Variants in COQ7 observed in about 807,000 individuals in gnomAD.
COQ7 encodes the protein NADPH-dependent 3-demethoxyubiquinone 3-hydroxylase, mitochondrial.
A neutral mutation model predicts 25.0 loss-of-function variants in COQ7; 21 were observed. The observed-to-expected ratio is 0.84, with a 90% CI of 0.60 to 1.21. The LOEUF is 1.21. Among genes scored for constraint, COQ7 ranks in the 50% most tolerant of loss-of-function variants. The probability of loss-of-function intolerance (pLI) is 0.00; values close to 1 mark genes in which losing one functional copy is unlikely to be tolerated. For synonymous variants in COQ7, 125 were observed against 112.4 expected (o/e 1.11, Z -0.71); for missense variants, 311 against 296.2 (o/e 1.05, Z -0.37).
rs1381239252 is a variant in COQ7 at position 19,080,051 on chromosome 16, C to T, written c.*1893C>T. ...TTCAAAAGGGTATTATTTGGTTTTT[C>T]TGTAAATTGAACCTTGAAATAAAAG... On this transcript the variant is annotated 3_prime_UTR_variant, in exon 6 of 6. Transcript: ENST00000321998. 1.3e-5 allele frequency: 2 copies of T among 152,180 alleles called. No individual in the cohort carries two copies. The highest frequency in any genetic ancestry group is 4.8e-5 in the African/African-American group (2 of 41,452). 9.4% of individuals were successfully genotyped at this position (152,180 alleles called of 1,614,324 possible).
In COQ7 at chr16:19,067,697, C is replaced by T. The variant is rs1455209057; in HGVS notation, c.33C>T (p.Arg11=). The change falls in exon 1 of 6, where the codon CGC becomes CGT. Residue 11 remains arginine (R), a synonymous_variant. Coordinates refer to ENST00000321998, the MANE Select transcript of COQ7 (RefSeq NM_016138.5). Reference sequence around the variant, plus strand: ...GCGCCGGGGCGGCGGCGGCTCCCCGCCTTTGGCGGCTGCGCCCGGGGGCCC... The same window carrying T: ...GCGCCGGGGCGGCGGCGGCTCCCCGTCTTTGGCGGCTGCGCCCGGGGGCCC... MSCAGAAAAP[R]LWRLRPGARR... 6.2e-7 allele frequency: 1 copy of T among 1,609,046 alleles called. No homozygotes were observed. The highest frequency in any genetic ancestry group is 8.5e-7 in the Non-Finnish European group (1 of 1,178,308).
At position 19,075,855 on chromosome 16, in the gene COQ7, C is replaced by T. The variant is rs1962810914; in HGVS notation, c.502C>T (p.Leu168Phe). The T allele has an allele frequency of 1.9e-6, 3 of 1,614,202 alleles. No individual in the cohort carries two copies. The highest frequency in any genetic ancestry group is 2.2e-5 in the South Asian group (2 of 91,084). The change falls in exon 4 of 6, where the codon CTT (leucine) becomes TTT (phenylalanine). Residue 168 changes from leucine to phenylalanine, a missense_variant. Leu to Phe is a conservative substitution (Grantham distance 22). Transcript: ENST00000321998. The part of the protein sequence containing the change: ...EEDPEKYEEL[L>F]QLIKKFRDEE... ...GGACCCTGAAAAATACGAGGAACTT[C>T]TTCAGGTATTTATCCGTGCTCTAGA...
At chr16:19,068,742 A>C (rs1046230849) in intron 1 of COQ7, 6 of 284,738 alleles carry the variant, frequency 2.1e-5, no homozygotes, top group Non-Finnish European at 4.3e-5. Flanking sequence ...ATTTTTGCCT[A>C]ATGGCAGTAC....
chr16:19,082,987 G>T (rs1199899357), downstream of COQ7, among the ~76,000 whole-genome samples: 1 of 152,072 alleles, frequency 6.6e-6, no homozygotes, highest in African/African-American at 2.4e-5. Flanking sequence ...ACTGCTAATG[G>T]ATACAGAGTG....
At chr16:19,073,509 A>C (rs1419071312) in intron 2 of COQ7, among the ~76,000 whole-genome samples, 1 of 152,136 alleles carries the variant, frequency 6.6e-6, no homozygotes, top group African/African-American at 2.4e-5. Flanking sequence ...AACAAACCAC[A>C]ACAACAACAA....
chr16:19,072,702 G>T (rs1349500810), intron 2 of COQ7, among the ~76,000 whole-genome samples: 1 of 152,204 alleles, frequency 6.6e-6, no homozygotes, highest in Non-Finnish European at 1.5e-5. Context: ...AAGCTACTTA[G>T]CCTCTCTGTG....
chr16:19,067,769 C>T (rs1400203560), intron 1 of COQ7, 32 bp downstream of exon 1: 3 of 1,587,894 alleles, frequency 1.9e-6, no homozygotes, highest in African/African-American at 1.4e-5. Context: ...CAGTCCTGCG[C>T]CGGTCTAGCG....
downstream of COQ7, among the ~76,000 whole-genome samples, chr16:19,082,824 A>AAAT (rs55960142): frequency 0.92 from 140,277 of 151,792 alleles, 65,221 homozygotes; most frequent in Non-Finnish European, 0.97. Flanking sequence ...CAATTTTAAA[A>AAAT]CATGCTAAGT....
rs757955937 is a variant in COQ7, at chr16:19,075,821, G to C, written c.468G>C (p.Leu156=). Residue 156 remains leucine, a synonymous_variant, in exon 4 of 6, where the codon CTG becomes CTC. Coordinates refer to ENST00000321998, the MANE Select transcript of COQ7 (RefSeq NM_016138.5). ...ACTACAACAACCAGATCAGGACGCT[G>C]ATGGAGGAGGACCCTGAAAAATACG... The part of the protein sequence containing the change: ...AHHYNNQIRT[L]MEEDPEKYEE... 6.2e-7 allele frequency: 1 copy of C among 1,614,236 alleles called. No individual in the cohort carries two copies. The highest frequency in any genetic ancestry group is 8.5e-7 in the Non-Finnish European group (1 of 1,180,024).
intron 4 of COQ7, among the ~76,000 whole-genome samples, chr16:19,076,841 C>G (rs898666949): frequency 2.0e-5 from 3 of 152,162 alleles, no homozygotes; most frequent in Admixed American, 1.3e-4. Flanking sequence ...ATCCTCCTGC[C>G]TTGGCCTCCT....
rs562587039 is a variant in COQ7 at position 19,078,887 on chromosome 16, T to G, written c.*729T>G. The G allele has an allele frequency of 2.5e-4, 38 of 152,274 alleles. No individual in the cohort carries two copies. Among genetic ancestry groups the G allele is most frequent in the African/African-American group, 8.9e-4 (37 of 41,560 alleles). 9.4% of individuals were successfully genotyped at this position (152,274 alleles called of 1,614,324 possible). A position where few individuals can be genotyped will look rare whatever the true frequency, so the allele number is the denominator to read the frequency against. On this transcript the variant is annotated 3_prime_UTR_variant, in exon 6 of 6. Transcript: ENST00000321998. ...ATTTGAGATTGGCCAAGCAGAACTATGAAGTCCATCAAGTAAGTCAAAGAT... is the reference window on the plus strand; with the variant it reads ...ATTTGAGATTGGCCAAGCAGAACTAGGAAGTCCATCAAGTAAGTCAAAGAT...
rs73528964 is a variant in COQ7 at position 19,070,411 on chromosome 16, G to A, written c.74-1517G>A. On this transcript the variant is annotated intron_variant, in intron 1 of 5. Coordinates refer to ENST00000321998, the MANE Select transcript of COQ7 (RefSeq NM_016138.5). ...TTTGCATAAAAGACATGGTAGTCAC[G>A]GCTAAGAGCCCTAAAACATTACAAA... 9.1e-3 allele frequency among the ~76,000 whole-genome samples: 1,388 copies of A among 152,248 alleles called. 11 individuals carry two copies. Among genetic ancestry groups the A allele is most frequent in the Middle Eastern group, 0.051 (15 of 294 alleles).
chr16:19,072,309 A>G (rs757456562), intron 2 of COQ7: 5 of 600,226 alleles, frequency 8.3e-6, no homozygotes, highest in South Asian at 2.0e-5. Context: ...CATCTAGTAC[A>G]TAGACAGGTA....
intron 1 of COQ7, among the ~76,000 whole-genome samples, chr16:19,069,964 G>A (rs1276825769): frequency 2.6e-5 from 4 of 151,562 alleles, no homozygotes; most frequent in African/African-American, 9.7e-5. Context: ...TTATATTTTT[G>A]GTAGAGATGG....
chr16:19,074,600 G>A (rs1201472713), intron 3 of COQ7, among the ~76,000 whole-genome samples: 1 of 152,090 alleles, frequency 6.6e-6, no homozygotes, highest in Non-Finnish European at 1.5e-5. Context: ...CTGGAGTACA[G>A]TGGTATAGTC....
In COQ7 at chr16:19,078,150, A is replaced by G. The variant is rs1383390091; in HGVS notation, c.646A>G (p.Arg216Gly). The change falls in exon 6 of 6, where the codon AGA becomes GGA. Residue 216 changes from arginine to glycine, a missense_variant. By Grantham distance (125) the Arg-to-Gly change is moderately radical. Coordinates refer to ENST00000321998, the MANE Select transcript of COQ7 (RefSeq NM_016138.5). ...GCRVAIYLSE[R>G]L Reference sequence around the variant, plus strand: ...CAGAGTGGCGATATATTTATCAGAAAGATTATAAAGTGTGTCCAGTTTTGC... The same window carrying G: ...CAGAGTGGCGATATATTTATCAGAAGGATTATAAAGTGTGTCCAGTTTTGC... 1.2e-6 allele frequency: 2 copies of G among 1,610,744 alleles called. No individual in the cohort carries two copies. The highest frequency in any genetic ancestry group is 1.1e-5 in the South Asian group (1 of 90,550).
At chr16:19,081,209 C>A (rs1963093158), downstream of COQ7, among the ~76,000 whole-genome samples, 1 of 152,114 alleles carries the variant, frequency 6.6e-6, no homozygotes, top group African/African-American at 2.4e-5. Flanking sequence ...TGTTCCTCTG[C>A]TGGTTTCTCT....
At chr16:19,070,772 A>T (rs1962514189) in intron 1 of COQ7, among the ~76,000 whole-genome samples, 1 of 151,912 alleles carries the variant, frequency 6.6e-6, no homozygotes, top group Non-Finnish European at 1.5e-5. Flanking sequence ...AAGTGATACC[A>T]GTGCAGATCG....
chr16:19,068,007 A>G (rs1962322767), intron 1 of COQ7: 2 of 1,326,890 alleles, frequency 1.5e-6, no homozygotes, highest in Non-Finnish European at 1.9e-6. Context: ...ATGTCACGGC[A>G]GGTGCGGCCA....
Sources: gnomAD v4.1 joint callset for allele counts (sites outside exome capture counted in the v4.1 genomes callset) on GRCh38, gnomAD v4.1.1 for gene constraint, MANE v1.5 for transcripts, NCBI Gene and HGNC (gene_info 2026-07-23, HGNC 2026-07-21) for gene names.